INPP4A: variants seen among roughly 807,000 people sequenced by gnomAD.
INPP4A encodes the protein inositol polyphosphate-4-phosphatase type I A, also known as inositol polyphosphate-4-phosphatase, type I, 107kD.
In INPP4A, 33 loss-of-function variants were observed where a neutral mutation model predicts 119.8. The observed-to-expected ratio is 0.28, with a 90% CI of 0.21 to 0.37. The LOEUF is 0.37. Among genes scored for constraint, INPP4A ranks in the 10% least tolerant of loss-of-function variants. INPP4A has a pLI of 1.00. For synonymous variants in INPP4A, 496 were observed against 500.7 expected, an observed-to-expected ratio of 0.99 and a Z score of 0.12; for missense variants, 956 against 1,289.9, an observed-to-expected ratio of 0.74 and a Z score of 3.97.
chr2:98,453,833 T>C (rs1233578141), intron 1 of INPP4A, among the ~76,000 whole-genome samples: 1 of 152,150 alleles, frequency 6.6e-6, no homozygotes. Flanking sequence ...TGAGGAGTCC[T>C]CTGCACAGCC....
chr2:98,509,775 T>A (rs1382748579), intron 1 of INPP4A, among the ~76,000 whole-genome samples: 1 of 152,176 alleles, frequency 6.6e-6, no homozygotes, highest in Non-Finnish European at 1.5e-5. Context: ...TTTAAAGCAC[T>A]TTTTTCAGGG....
intron 4 of INPP4A, among the ~76,000 whole-genome samples, 160 bp from the exon 5 acceptor site, chr2:98,533,217 A>G (rs1234821077): frequency 6.6e-6 from 1 of 152,226 alleles, no homozygotes; most frequent in Non-Finnish European, 1.5e-5. Flanking sequence ...AGATTGTTTC[A>G]AATTTAAAAA....
At chr2:98,530,934 T>G (rs1289849749) in intron 4 of INPP4A, among the ~76,000 whole-genome samples, 1 of 152,234 alleles carries the variant, frequency 6.6e-6, no homozygotes, top group African/African-American at 2.4e-5. Flanking sequence ...AAGATAAAGA[T>G]GCTAGGATAT....
intron 1 of INPP4A, among the ~76,000 whole-genome samples, chr2:98,504,527 G>A (rs774195876): frequency 3.9e-5 from 6 of 152,154 alleles, no homozygotes; most frequent in East Asian, 1.9e-4. Context: ...GCATTGTAAC[G>A]TTGGTGCTGC....
chr2:98,485,587 C>T (rs1024711723), intron 1 of INPP4A, among the ~76,000 whole-genome samples: 2 of 152,148 alleles, frequency 1.3e-5, no homozygotes, highest in African/African-American at 2.4e-5. Flanking sequence ...GGCTCACTCT[C>T]GCTTCGGGAA....
At chr2:98,505,288 T>C (rs1683830961) in intron 1 of INPP4A, among the ~76,000 whole-genome samples, 1 of 152,156 alleles carries the variant, frequency 6.6e-6, no homozygotes, top group Non-Finnish European at 1.5e-5. Context: ...ACTTTGCCTT[T>C]AGGTTTGGGG....
At chr2:98,523,695 C>T (rs1687669996) in intron 4 of INPP4A, among the ~76,000 whole-genome samples, 1 of 152,016 alleles carries the variant, frequency 6.6e-6, no homozygotes, top group Admixed American at 6.6e-5. Flanking sequence ...CGCCTGGCCA[C>T]CCCAGTTTTT....
intron 21 of INPP4A, 63 bp from the exon 22 acceptor site, chr2:98,568,508 T>G: frequency 1.3e-6 from 1 of 773,920 alleles, no homozygotes; most frequent in Admixed American, 2.1e-5. Context: ...TTCCATGCAG[T>G]TGTGTTCATG....
In INPP4A at chr2:98,492,133, C is replaced by T. The variant is rs188781517; in HGVS notation, c.-165-26831C>T. 1.8e-3 allele frequency among the ~76,000 whole-genome samples: 268 copies of T among 152,214 alleles called. 1 individual carries two copies. Among genetic ancestry groups the T allele is most frequent in the Admixed American group, 0.011 (173 of 15,286 alleles). On this transcript the variant is annotated intron_variant, in intron 1 of 24. Transcript: ENST00000409851. ...TCGAACACTGACCTCACATGATCCG[C>T]GCGCCTCAGCCTCCCAAACTGCTGG...
chr2:98,553,769 C>T (rs1223172231), intron 14 of INPP4A, among the ~76,000 whole-genome samples: 2 of 152,332 alleles, frequency 1.3e-5, no homozygotes, highest in East Asian at 1.9e-4. Flanking sequence ...CCACAGAACC[C>T]GTGTTGCATG....
rs556056624 is a variant in INPP4A at position 98,453,656 on chromosome 2, C to CT, written c.-166+8572dup. On this transcript the variant is annotated intron_variant, in intron 1 of 24. Coordinates refer to ENST00000409851, the MANE Select transcript of INPP4A (RefSeq NM_001134225.2). ...TTTGTCAGAACCTGGTGGTCTGTGACTCGCCATAGATCAAGAACCAATGAC... is the reference window on the plus strand; with the variant it reads ...TTTGTCAGAACCTGGTGGTCTGTGACTTCGCCATAGATCAAGAACCAATGAC... Among the ~76,000 whole-genome samples, 858 of 152,232 alleles carry CT rather than the reference C, an allele frequency of 5.6e-3. 1 individual carries two copies. The highest frequency in any genetic ancestry group is 0.01 in the Non-Finnish European group (683 of 68,022).
In INPP4A at chr2:98,475,667, C is replaced by A. The variant is rs374464882; in HGVS notation, c.-166+30582C>A. Reference sequence around the variant, plus strand: ...TTGCATGACCAACAATGGTTGTAGTCTCCTGCTGTTTGCTGGGGCATGCTG... The same window carrying A: ...TTGCATGACCAACAATGGTTGTAGTATCCTGCTGTTTGCTGGGGCATGCTG... On this transcript the variant is annotated intron_variant, in intron 1 of 24. Transcript: ENST00000409851. Among the ~76,000 whole-genome samples the A allele has an allele frequency of 9.8e-5, 15 of 152,362 alleles. 1 individual carries two copies. In the East Asian group the frequency reaches 2.5e-3, roughly 25 times the overall value.
At chr2:98,466,564 C>T (rs1018037481) in intron 1 of INPP4A, among the ~76,000 whole-genome samples, 7 of 152,346 alleles carry the variant, frequency 4.6e-5, no homozygotes, top group South Asian at 4.1e-4. Context: ...CCATTTTACC[C>T]GTGAGAGAAT....
chr2:98,480,809 T>C (rs969368941), intron 1 of INPP4A, among the ~76,000 whole-genome samples: 1 of 152,220 alleles, frequency 6.6e-6, no homozygotes, highest in African/African-American at 2.4e-5. Flanking sequence ...CCTGTCTTCT[T>C]GCCAGCTGCA....
At chr2:98,581,539 T>G in intron 24 of INPP4A, 19 of 1,494,434 alleles carry the variant, frequency 1.3e-5, no homozygotes, top group Non-Finnish European at 1.5e-5. Flanking sequence ...CTTTCCTTTT[T>G]CCTTTTTCTT....
intron 1 of INPP4A, among the ~76,000 whole-genome samples, chr2:98,508,183 G>T (rs1053654426): frequency 3.9e-5 from 6 of 152,206 alleles, no homozygotes; most frequent in African/African-American, 9.7e-5. Flanking sequence ...GCAAGTCAGG[G>T]TCCAGCTTCC....
At chr2:98,489,504 A>T (rs3769725) in intron 1 of INPP4A, among the ~76,000 whole-genome samples, 1 of 151,918 alleles carries the variant, frequency 6.6e-6, no homozygotes. Context: ...GAGGGGCCCT[A>T]GGATGCTGAG....
chr2:98,564,919 C>T (rs1407372279), intron 19 of INPP4A, among the ~76,000 whole-genome samples, 156 bp downstream of exon 19: 2 of 152,262 alleles, frequency 1.3e-5, no homozygotes, highest in African/African-American at 4.8e-5. Flanking sequence ...GGCAGTTACA[C>T]ACGCACACGC....
chr2:98,537,766 C>T (rs2278208), intron 7 of INPP4A, 97 bp from the exon 8 acceptor site: 221,297 of 891,330 alleles, frequency 0.25, 28,372 homozygotes, highest in Middle Eastern at 0.31. Context: ...CTGCTGCCCC[C>T]AGGACCCTGA....
Sources: gnomAD v4.1 joint callset for allele counts (sites outside exome capture counted in the v4.1 genomes callset) on GRCh38, gnomAD v4.1.1 for gene constraint, MANE v1.5 for transcripts, NCBI Gene and HGNC (gene_info 2026-07-23, HGNC 2026-07-21) for gene names.